Variants in CNTNAP5 observed in about 807,000 individuals in gnomAD.
The protein encoded by CNTNAP5 is contactin associated protein family member 5, also known as contactin-associated protein-like 5.
In CNTNAP5, 72 loss-of-function variants were observed where a neutral mutation model predicts 150.2. The ratio of observed to expected loss-of-function variants is 0.48; its 90% CI spans 0.40 to 0.58. The LOEUF is 0.58. Among genes scored for constraint, CNTNAP5 ranks in the 20% least tolerant of loss-of-function variants. The pLI is 0.00. For synonymous variants in CNTNAP5, 672 were observed against 619.8 expected, an observed-to-expected ratio of 1.08 and a Z score of -1.25; for missense variants, 1,636 against 1,626.2, an observed-to-expected ratio of 1.01 and a Z score of -0.10.
chr2:124,702,906 G>T (rs1185860721), intron 13 of CNTNAP5, among the ~76,000 whole-genome samples: 1 of 152,082 alleles, frequency 6.6e-6, no homozygotes, highest in African/African-American at 2.4e-5. Context: ...ACTATTTTAA[G>T]ACCAATCTGA....
intron 1 of CNTNAP5, among the ~76,000 whole-genome samples, chr2:124,198,810 A>G: frequency 6.7e-6 from 1 of 149,110 alleles, no homozygotes; most frequent in South Asian, 2.1e-4. Flanking sequence ...TCTATCTGGC[A>G]TGTATTATTT....
chr2:124,734,260 G>C (rs191933528), intron 13 of CNTNAP5, among the ~76,000 whole-genome samples: 6 of 149,768 alleles, frequency 4.0e-5, no homozygotes, highest in East Asian at 1.9e-4. Flanking sequence ...AATGAACACA[G>C]AGAGAGAGAG....
chr2:124,744,559 T>A (rs1460116016), intron 13 of CNTNAP5, among the ~76,000 whole-genome samples: 1 of 152,214 alleles, frequency 6.6e-6, no homozygotes, highest in Non-Finnish European at 1.5e-5. Context: ...TGGTATGTTT[T>A]CTTACGTGAT....
At chr2:124,111,815 A>G (rs1683306234) in intron 1 of CNTNAP5, among the ~76,000 whole-genome samples, 1 of 152,132 alleles carries the variant, frequency 6.6e-6, no homozygotes, top group African/African-American at 2.4e-5. Context: ...TGTCCTTACA[A>G]TTTCTCCAAA....
At chr2:124,029,410 T>G (rs1680983930) in intron 1 of CNTNAP5, among the ~76,000 whole-genome samples, 1 of 152,040 alleles carries the variant, frequency 6.6e-6, no homozygotes, top group Admixed American at 6.6e-5. Flanking sequence ...AGATTTTCCT[T>G]TTGTTGAATT....
chr2:124,522,615 T>C (rs1475974857), intron 8 of CNTNAP5, among the ~76,000 whole-genome samples: 1 of 152,250 alleles, frequency 6.6e-6, no homozygotes, highest in Non-Finnish European at 1.5e-5. Context: ...CTGGGGCCCA[T>C]GCCCAGAGAT....
intron 1 of CNTNAP5, among the ~76,000 whole-genome samples, chr2:124,096,167 T>A (rs2104691225): frequency 6.6e-6 from 1 of 152,340 alleles, no homozygotes; most frequent in East Asian, 1.9e-4. Context: ...GCTCCAAACA[T>A]TCCAGTATCC....
intron 3 of CNTNAP5, among the ~76,000 whole-genome samples, chr2:124,304,143 A>G (rs1688625489): frequency 6.6e-6 from 1 of 152,216 alleles, no homozygotes; most frequent in Non-Finnish European, 1.5e-5. Context: ...TATATATTGT[A>G]TACTTTAGCA....
intron 22 of CNTNAP5, among the ~76,000 whole-genome samples, chr2:124,909,824 GACATATATATATAT>G (rs1678616215): frequency 3.4e-5 from 1 of 29,202 alleles, no homozygotes; most frequent in African/African-American, 9.6e-5. Context: ...ATCAATTGGT[GACATATATATATAT>G]ATATATATAT....
intron 11 of CNTNAP5, among the ~76,000 whole-genome samples, chr2:124,569,432 T>A (rs1171781934): frequency 6.6e-6 from 1 of 152,220 alleles, no homozygotes; most frequent in African/African-American, 2.4e-5. Context: ...TTTTTTCAGA[T>A]GACTTGTATT....
chr2:124,650,966 G>A (rs1196902902), intron 13 of CNTNAP5, among the ~76,000 whole-genome samples: 1 of 152,158 alleles, frequency 6.6e-6, no homozygotes, highest in Non-Finnish European at 1.5e-5. Flanking sequence ...TTGCAGGGCA[G>A]CGAGTATGCA....
intron 21 of CNTNAP5, among the ~76,000 whole-genome samples, chr2:124,888,869 A>G (rs1469896960): frequency 6.6e-6 from 1 of 152,010 alleles, no homozygotes; most frequent in Non-Finnish European, 1.5e-5. Context: ...TAGTTTGCAC[A>G]TATTTTCTCC....
intron 13 of CNTNAP5, among the ~76,000 whole-genome samples, chr2:124,734,646 C>T (rs1680344452): frequency 6.6e-6 from 1 of 151,848 alleles, no homozygotes; most frequent in Non-Finnish European, 1.5e-5. Flanking sequence ...ATAAGAATAA[C>T]CAGAAATTTG....
intron 1 of CNTNAP5, among the ~76,000 whole-genome samples, chr2:124,050,612 A>C (rs573199666): frequency 6.6e-6 from 1 of 152,272 alleles, no homozygotes; most frequent in South Asian, 2.1e-4. Context: ...CATGCCTGCC[A>C]TCCTGTTGAC....
Position 124,044,889 on chromosome 2 carries a change from A to AACACACACACACAC in CNTNAP5, c.82+19187_82+19200dup, listed in dbSNP as rs147761848. On this transcript the variant is annotated intron_variant, in intron 1 of 23. Coordinates refer to ENST00000682447, the MANE Select transcript of CNTNAP5 (RefSeq NM_001367498.1). ...CAGACGGAAGCAATGGTAGTGAGGA[A>AACACACACACACAC]ACACACACACACACACACACACACA... 6.2e-5 allele frequency among the ~76,000 whole-genome samples: 9 copies of AACACACACACACAC among 144,072 alleles called. No individual in the cohort carries two copies. The East Asian group carries it at 6.4e-4, about 10-fold the overall frequency. The allele number at this position is 144,072 out of a possible 152,430, so 94.5% of individuals were successfully genotyped here.
At chr2:124,515,854 T>C (rs1455405919) in intron 8 of CNTNAP5, among the ~76,000 whole-genome samples, 2 of 152,150 alleles carry the variant, frequency 1.3e-5, no homozygotes, top group Non-Finnish European at 2.9e-5. Flanking sequence ...GGAGACTTGA[T>C]TAGAGAAAGA....
intron 1 of CNTNAP5, among the ~76,000 whole-genome samples, chr2:124,136,479 T>C (rs1174355967): frequency 1.3e-5 from 2 of 152,206 alleles, no homozygotes; most frequent in African/African-American, 4.8e-5. Flanking sequence ...TGGGATCAGT[T>C]TGACACTTAT....
chr2:124,071,031 CAA>C (rs1682291398), intron 1 of CNTNAP5, among the ~76,000 whole-genome samples: 2 of 151,774 alleles, frequency 1.3e-5, no homozygotes, highest in Admixed American at 6.6e-5. Flanking sequence ...AAAGCAATAA[CAA>C]GAGGAATTTT....
At chr2:124,555,906 G>A (rs1695744290) in intron 10 of CNTNAP5, among the ~76,000 whole-genome samples, 1 of 152,152 alleles carries the variant, frequency 6.6e-6, no homozygotes. Flanking sequence ...TATGTTAATT[G>A]TGCAAACGTA....
Sources: allele counts gnomAD v4.1 joint callset (sites outside exome capture counted in the v4.1 genomes callset), GRCh38; gene constraint gnomAD v4.1.1; transcripts MANE v1.5; gene names NCBI Gene and HGNC (gene_info 2026-07-23, HGNC 2026-07-21).